Variants in CAMKMT observed in about 807,000 individuals in gnomAD.
CAMKMT encodes calmodulin-lysine N-methyltransferase, also known as CaM KMT.
Under a neutral mutation model 48.0 loss-of-function variants are expected in CAMKMT, and 53 were observed. The ratio of observed to expected loss-of-function variants is 1.10; its 90% CI spans 0.89 to 1.39. The LOEUF is 1.39. Ranked by LOEUF, CAMKMT falls within the 40% of genes most tolerant of loss-of-function variation. The pLI is 0.00. For synonymous variants in CAMKMT, 165 were observed against 152.3 expected, an observed-to-expected ratio of 1.08 and a Z score of -0.61; for missense variants, 428 against 402.7, an observed-to-expected ratio of 1.06 and a Z score of -0.54.
chr2:44,730,280 A>G (rs1679011206), intron 7 of CAMKMT, among the ~76,000 whole-genome samples: 1 of 152,168 alleles, frequency 6.6e-6, no homozygotes, highest in African/African-American at 2.4e-5. Context: ...TCCTGTGTGT[A>G]AGATCACATG....
At chr2:44,660,429 A>T (rs1030537553) in intron 3 of CAMKMT, among the ~76,000 whole-genome samples, 1 of 152,254 alleles carries the variant, frequency 6.6e-6, no homozygotes, top group Non-Finnish European at 1.5e-5. Flanking sequence ...TAGGCAATGC[A>T]TATTGCAACA....
intron 3 of CAMKMT, among the ~76,000 whole-genome samples, chr2:44,534,769 A>G (rs1300536120): frequency 1.3e-5 from 2 of 152,176 alleles, no homozygotes; most frequent in African/African-American, 4.8e-5. Flanking sequence ...CCTACATCAA[A>G]AAAGTAGAAA....
intron 3 of CAMKMT, among the ~76,000 whole-genome samples, chr2:44,633,701 TTTTGCTAAA>T (rs1309697366): frequency 6.6e-6 from 1 of 152,170 alleles, no homozygotes; most frequent in Non-Finnish European, 1.5e-5. Context: ...ATACTTGTTG[TTTTGCTAAA>T]TCCATCATCT....
intron 3 of CAMKMT, among the ~76,000 whole-genome samples, chr2:44,607,872 A>G (rs1265898013): frequency 6.6e-6 from 1 of 152,062 alleles, no homozygotes; most frequent in Admixed American, 6.6e-5. Context: ...CAAAAAAGTA[A>G]AGAAAATAGT....
intron 3 of CAMKMT, among the ~76,000 whole-genome samples, chr2:44,614,824 G>T (rs1671780040): frequency 6.6e-6 from 1 of 150,748 alleles, no homozygotes; most frequent in Non-Finnish European, 1.5e-5. Flanking sequence ...ACACACACCA[G>T]CAATTTGCTT....
intron 7 of CAMKMT, among the ~76,000 whole-genome samples, chr2:44,737,891 T>C (rs1284034273): frequency 6.7e-6 from 1 of 150,062 alleles, no homozygotes; most frequent in Non-Finnish European, 1.5e-5. Flanking sequence ...GGAGTCTCGC[T>C]GTTACCCAGG....
intron 3 of CAMKMT, among the ~76,000 whole-genome samples, chr2:44,578,742 T>C (rs879734532): frequency 2.6e-5 from 4 of 152,180 alleles, no homozygotes; most frequent in African/African-American, 7.2e-5. Context: ...GTCCGTATTA[T>C]TTTTAAGTTG....
chr2:44,707,976 G>T (rs1021085001), intron 6 of CAMKMT, among the ~76,000 whole-genome samples: 1 of 151,880 alleles, frequency 6.6e-6, no homozygotes, highest in Non-Finnish European at 1.5e-5. Context: ...CTTTTATTTA[G>T]GATTTTATTT....
At chr2:44,512,073 T>A (rs912582762) in intron 3 of CAMKMT, among the ~76,000 whole-genome samples, 3 of 152,208 alleles carry the variant, frequency 2.0e-5, no homozygotes, top group African/African-American at 7.2e-5. Context: ...TCCGATTGCG[T>A]CTTCCTTACG....
chr2:44,395,835 G>C (rs1229877590), intron 3 of CAMKMT, among the ~76,000 whole-genome samples: 1 of 152,050 alleles, frequency 6.6e-6, no homozygotes, highest in Admixed American at 6.5e-5. Flanking sequence ...TTTTTGGTAT[G>C]TGCCATTCTG....
chr2:44,621,597 A>G (rs139627562), intron 3 of CAMKMT, among the ~76,000 whole-genome samples: 358 of 152,346 alleles, frequency 2.3e-3, no homozygotes, highest in Non-Finnish European at 4.3e-3. Flanking sequence ...AGTATGTTTG[A>G]GGAAATGAAA....
intron 7 of CAMKMT, among the ~76,000 whole-genome samples, chr2:44,742,967 T>C (rs932337135): frequency 6.6e-6 from 1 of 152,206 alleles, no homozygotes; most frequent in East Asian, 1.9e-4. Flanking sequence ...CAGTTATTAA[T>C]TGAGAGTAAC....
At chr2:44,681,540 CT>C (rs3055007) in intron 3 of CAMKMT, among the ~76,000 whole-genome samples, 17,167 of 137,290 alleles carry the variant, frequency 0.13, 1,004 homozygotes, top group South Asian at 0.18. Flanking sequence ...CTCTTACCAG[CT>C]TTTTTTTTTT....
chr2:44,625,907 CTGTAGATT>C (rs1672455536), intron 3 of CAMKMT, among the ~76,000 whole-genome samples: 1 of 152,106 alleles, frequency 6.6e-6, no homozygotes, highest in Non-Finnish European at 1.5e-5. Flanking sequence ...GTTTTGATTA[CTGTAGATT>C]TACAAGTCCT....
At chr2:44,766,005 G>T in intron 9 of CAMKMT, among the ~76,000 whole-genome samples, 1 of 152,154 alleles carries the variant, frequency 6.6e-6, no homozygotes. Context: ...ACAGATGTAA[G>T]CATCTGTTGT....
intron 3 of CAMKMT, among the ~76,000 whole-genome samples, chr2:44,522,749 C>A (rs548560923): frequency 6.6e-6 from 1 of 152,280 alleles, no homozygotes; most frequent in South Asian, 2.1e-4. Flanking sequence ...TTTTTTAACG[C>A]AGCAAGTCCT....
intron 3 of CAMKMT, among the ~76,000 whole-genome samples, chr2:44,404,515 T>C (rs562097179): frequency 3.3e-5 from 5 of 152,272 alleles, no homozygotes; most frequent in African/African-American, 1.2e-4. Flanking sequence ...GTGCAATATA[T>C]TTTAAGCAAC....
At chr2:44,749,258 A>G (rs1680051737) in intron 8 of CAMKMT, among the ~76,000 whole-genome samples, 1 of 152,230 alleles carries the variant, frequency 6.6e-6, no homozygotes, top group South Asian at 2.1e-4. Flanking sequence ...CTCAGAGGAG[A>G]AAATCATCAG....
intron 8 of CAMKMT, among the ~76,000 whole-genome samples, chr2:44,752,172 G>T (rs1680181209): frequency 6.6e-6 from 1 of 151,996 alleles, no homozygotes; most frequent in Admixed American, 6.5e-5. Context: ...GTACTGTTCA[G>T]ATTTCAGAGA....
Sources: allele counts gnomAD v4.1 joint callset (sites outside exome capture counted in the v4.1 genomes callset), GRCh38; gene constraint gnomAD v4.1.1; transcripts MANE v1.5; gene names NCBI Gene and HGNC (gene_info 2026-07-23, HGNC 2026-07-21).